Variants in GPRC5D observed in about 807,000 individuals in gnomAD.
GPRC5D encodes G protein-coupled receptor family C group 5 member D.
Under a neutral mutation model 29.3 loss-of-function variants are expected in GPRC5D, and 20 were observed. The ratio of observed to expected loss-of-function variants is 0.68; its 90% CI spans 0.48 to 0.99. GPRC5D has a LOEUF of 0.99. Ranked by LOEUF, GPRC5D falls within the 50% of genes least tolerant of loss-of-function variation. GPRC5D has a pLI of 0.00. For missense variants in GPRC5D, 384 were observed against 423.6 expected (o/e 0.91, Z 0.82); for synonymous variants, 178 against 171.3 (o/e 1.04, Z -0.30).
intron 1 of GPRC5D, among the ~76,000 whole-genome samples, chr12:12,942,696 C>G (rs1214854833): frequency 6.6e-6 from 1 of 152,192 alleles, no homozygotes; most frequent in Non-Finnish European, 1.5e-5. Flanking sequence ...GATCACGCCA[C>G]TGCATTCCAG....
intron 1 of GPRC5D, among the ~76,000 whole-genome samples, chr12:12,948,014 G>A (rs916330791): frequency 2.0e-5 from 3 of 152,146 alleles, no homozygotes; most frequent in East Asian, 1.9e-4. Flanking sequence ...AGGGATCATC[G>A]TATTTTAGCA....
chr12:12,947,108 A>AGTG (rs1863368266), intron 1 of GPRC5D: 2 of 152,170 alleles, frequency 1.3e-5, no homozygotes, highest in African/African-American at 4.8e-5. Flanking sequence ...ACTTCTCATT[A>AGTG]GTGGATCAGT....
In GPRC5D at chr12:12,940,812, G is replaced by T; in HGVS notation, c.1001C>A (p.Ala334Asp). Residue 334 changes from alanine to aspartate, a missense_variant, in exon 3 of 3, where the codon GCT becomes GAT. Coordinates refer to ENST00000228887, the Ensembl canonical transcript of GPRC5D. ...TGCATCTTGCTGGGGGCTTAGTTTA[G>T]CCTGTGGGATGAAACACTCTTGTGT... The T allele has an allele frequency of 3.1e-6, 5 of 1,608,750 alleles. No homozygotes were observed. In the East Asian group the frequency reaches 8.9e-5, roughly 29 times the overall value.
chr12:12,950,398 T>C (rs1863465178), upstream of GPRC5D: 1 of 1,566,688 alleles, frequency 6.4e-7, no homozygotes, highest in Non-Finnish European at 8.6e-7. Context: ...GACTTATGGG[T>C]GTGGACCTCA....
chr12:12,949,712 G>A (rs1863439020), exon 1 of GPRC5D: 17 of 1,608,028 alleles, frequency 1.1e-5, no homozygotes, highest in Non-Finnish European at 1.4e-5. Context: ...TTGCCTCTCA[G>A]GAGCATGGAG....
At chr12:12,951,148 A>G (rs1235761372), upstream of GPRC5D, among the ~76,000 whole-genome samples, 3 of 152,224 alleles carry the variant, frequency 2.0e-5, no homozygotes, top group South Asian at 6.2e-4. Context: ...ACAAACAAAA[A>G]AAGTAACGTC....
chr12:12,942,475 C>G (rs1332639607), intron 1 of GPRC5D, 147 bp from the exon 3 acceptor site: 2 of 614,692 alleles, frequency 3.3e-6, no homozygotes, highest in Non-Finnish European at 5.8e-6. Flanking sequence ...TGGCTCACGC[C>G]TGTAATCCCA....
At position 12,949,472 on chromosome 12, in the gene GPRC5D, A is replaced by C; in HGVS notation, c.895+18T>G. On this transcript the variant is annotated intron_variant, in intron 1 of 2. Coordinates refer to ENST00000228887, the Ensembl canonical transcript of GPRC5D. ...TGTAGGAGCACCTCCCTGCTCCCTG[A>C]ATCCCCCAGGAATGTACCTCTGGAG... 10 of 1,592,812 alleles carry C rather than the reference A, an allele frequency of 6.3e-6. No individual in the cohort carries two copies. The highest frequency in any genetic ancestry group is 8.6e-6 in the Non-Finnish European group (10 of 1,166,674).
intron 1 of GPRC5D, chr12:12,947,211 T>G (rs753120097): frequency 1.3e-5 from 2 of 152,192 alleles, no homozygotes; most frequent in Non-Finnish European, 2.9e-5. Context: ...CATGATTGTT[T>G]CTTGAGCAAA....
At chr12:12,941,847 G>A (rs909559106) in intron 2 of GPRC5D, among the ~76,000 whole-genome samples, 2 of 152,192 alleles carry the variant, frequency 1.3e-5, no homozygotes, top group African/African-American at 4.8e-5. Context: ...ACTCAGAGAG[G>A]CAGTCAGTGG....
At chr12:12,945,835 T>C (rs1056907194) in intron 1 of GPRC5D, among the ~76,000 whole-genome samples, 2 of 152,246 alleles carry the variant, frequency 1.3e-5, no homozygotes, top group Non-Finnish European at 2.9e-5. Context: ...GATGTATCTA[T>C]ATTTTTGGCT....
intron 2 of GPRC5D, 27 bp from the exon 4 acceptor site, chr12:12,940,876 A>G (rs767646147): frequency 1.3e-5 from 18 of 1,408,636 alleles, no homozygotes; most frequent in Non-Finnish European, 9.1e-6. Flanking sequence ...GCCATCATCA[A>G]CTTTCTGAGC....
At chr12:12,950,067 G>A in exon 1 of GPRC5D, 1 of 1,613,892 alleles carries the variant, frequency 6.2e-7, no homozygotes, top group Non-Finnish European at 8.5e-7. Flanking sequence ...GAGCTAAGAG[G>A]CATGAGAAAC....
chr12:12,945,054 G>C (rs183697755), intron 1 of GPRC5D, among the ~76,000 whole-genome samples: 1 of 148,280 alleles, frequency 6.7e-6, no homozygotes, highest in East Asian at 2.0e-4. Context: ...GCCCAGGCTG[G>C]AGTGCAATGC....
At chr12:12,944,318 GA>G (rs1268679959) in intron 1 of GPRC5D, 1 of 152,076 alleles carries the variant, frequency 6.6e-6, no homozygotes, top group African/African-American at 2.4e-5. Context: ...TCTGTCCTCA[GA>G]CCAAACAAAT....
upstream of GPRC5D, among the ~76,000 whole-genome samples, chr12:12,951,912 T>C (rs1863506277): frequency 6.6e-6 from 1 of 152,160 alleles, no homozygotes; most frequent in Non-Finnish European, 1.5e-5. Context: ...AATACCTTTT[T>C]GAACAGTTTA....
intron 1 of GPRC5D, among the ~76,000 whole-genome samples, chr12:12,946,610 A>G (rs1863354126): frequency 6.6e-6 from 1 of 151,830 alleles, no homozygotes; most frequent in Non-Finnish European, 1.5e-5. Flanking sequence ...ATGCGTCACC[A>G]TGCCCAACTA....
intron 1 of GPRC5D, among the ~76,000 whole-genome samples, 164 bp downstream of exon 2, chr12:12,949,326 C>G (rs1458713707): frequency 1.3e-5 from 2 of 152,138 alleles, no homozygotes; most frequent in Non-Finnish European, 2.9e-5. Context: ...AAAATTTAAC[C>G]TTGATTCTGG....
At position 12,949,675 on chromosome 12, in the gene GPRC5D, C is replaced by T; in HGVS notation, c.710G>A (p.Trp237Ter). The change falls in exon 1 of 3, where the codon TGG becomes TAG. Residue 237 changes from tryptophan to a stop codon, truncating the protein, a stop_gained. Transcript: ENST00000228887. LOFTEE classifies it high-confidence loss of function. ...AGCAATGCAGACGACCGGGTCGTCC[C>T]ACTGGGGCTGTCGCTGGAACTGCGG... 1.9e-6 allele frequency: 3 copies of T among 1,614,136 alleles called. No homozygotes were observed. Among genetic ancestry groups the T allele is most frequent in the Non-Finnish European group, 2.5e-6 (3 of 1,180,006 alleles).
Sources: gnomAD v4.1 joint callset for allele counts (sites outside exome capture counted in the v4.1 genomes callset) on GRCh38, gnomAD v4.1.1 for gene constraint, MANE v1.5 for transcripts, NCBI Gene and HGNC (gene_info 2026-07-23, HGNC 2026-07-21) for gene names.